The following KCNJ9 variants were observed in gnomAD, a reference collection of about 807,000 sequenced individuals.
The protein encoded by KCNJ9 is potassium inwardly rectifying channel subfamily J member 9, also known as G protein-activated inward rectifier potassium channel 3.
KCNJ9 carries 18 observed loss-of-function variants against 27.9 expected under a neutral mutation model. The observed-to-expected ratio is 0.65, with a 90% CI of 0.45 to 0.96. The LOEUF is 0.96. KCNJ9 is among the 40% of genes least tolerant of loss of function. The pLI is 0.00. For synonymous variants in KCNJ9, 229 were observed against 248.2 expected (o/e 0.92, Z 0.73); for missense variants, 324 against 557.5 (o/e 0.58, Z 4.22).
At chr1:160,082,798 G>A (rs1649705295) in intron 1 of KCNJ9, among the ~76,000 whole-genome samples, 1 of 152,202 alleles carries the variant, frequency 6.6e-6, no homozygotes, top group Non-Finnish European at 1.5e-5. Context: ...ATATCTCCTA[G>A]AGGACCCTGG....
At chr1:160,085,995 T>C (rs548126463) in intron 2 of KCNJ9, among the ~76,000 whole-genome samples, 17 of 152,232 alleles carry the variant, frequency 1.1e-4, no homozygotes, top group African/African-American at 3.1e-4. Flanking sequence ...CCCCGTTCCC[T>C]TTCCTCTCTC....
intron 1 of KCNJ9, among the ~76,000 whole-genome samples, chr1:160,083,323 C>T (rs181523071): frequency 2.0e-5 from 3 of 152,286 alleles, no homozygotes; most frequent in African/African-American, 7.2e-5. Context: ...CCACAGCTTT[C>T]ATTTCTTTCT....
At position 160,090,195 on chromosome 1, in the gene KCNJ9, T is replaced by C. The variant is rs541231426; in HGVS notation, c.*2378T>C. On this transcript the variant is annotated 3_prime_UTR_variant, in exon 3 of 3. Transcript: ENST00000368088. ...TAAGAACAGATGTTGGGATGGAGAA[T>C]GGGGATTCATTTGGGTTTCAGTAAA... The C allele has an allele frequency of 1.3e-5, 2 of 152,244 alleles. No individual in the cohort carries two copies. The highest frequency in any genetic ancestry group is 2.1e-4 in the South Asian group (1 of 4,818). 9.4% of individuals were successfully genotyped at this position (152,244 alleles called of 1,614,324 possible). A position where few individuals can be genotyped will look rare whatever the true frequency, so the allele number is the denominator to read the frequency against.
chr1:160,083,744 T>C (rs1467504303), intron 1 of KCNJ9, among the ~76,000 whole-genome samples, 173 bp from the exon 2 acceptor site: 1 of 152,124 alleles, frequency 6.6e-6, no homozygotes, highest in Non-Finnish European at 1.5e-5. Flanking sequence ...CATTTGACCC[T>C]CACAACTTTC....
In KCNJ9 at chr1:160,087,864, T is replaced by C. The variant is rs752816290; in HGVS notation, c.*47T>C. ...TGGCAGACCGGGGGCCAGACACAGA[T>C]ACATGGGGAACTGCATATCGGAGGT... is the stretch of plus-strand genomic sequence containing the variant. On this transcript the variant is annotated 3_prime_UTR_variant, in exon 3 of 3. Coordinates refer to ENST00000368088, the MANE Select transcript of KCNJ9 (RefSeq NM_004983.3). 1 of 1,415,326 alleles carries C rather than the reference T, an allele frequency of 7.1e-7. No individual in the cohort carries two copies. The allele number at this position is 1,415,326 out of a possible 1,614,324, so 87.7% of individuals were successfully genotyped here.
At chr1:160,082,329 G>A (rs6677510) in intron 1 of KCNJ9, among the ~76,000 whole-genome samples, 81,091 of 152,096 alleles carry the variant, frequency 0.53, 21,985 homozygotes, top group East Asian at 0.72. Flanking sequence ...GAGCTTCAGG[G>A]AAGGAAAAGG....
At chr1:160,083,447 G>A (rs551569728) in intron 1 of KCNJ9, among the ~76,000 whole-genome samples, 24 of 152,312 alleles carry the variant, frequency 1.6e-4, no homozygotes, top group African/African-American at 5.8e-4. Context: ...CAGCCTGCGA[G>A]GAGAGCCATT....
intron 2 of KCNJ9, among the ~76,000 whole-genome samples, chr1:160,085,414 G>T (rs1322002408): frequency 6.6e-6 from 1 of 152,200 alleles, no homozygotes; most frequent in East Asian, 1.9e-4. Flanking sequence ...GGAGGGGTTA[G>T]GTTCAGGGGT....
Position 160,084,480 on chromosome 1 carries a change from C to T in KCNJ9, c.450C>T (p.Asn150=), listed in dbSNP as rs748613042. 12 of 1,613,596 alleles carry T rather than the reference C, an allele frequency of 7.4e-6. No individual in the cohort carries two copies. In the South Asian group the frequency reaches 8.8e-5, roughly 12 times the overall value. The change falls in exon 2 of 3, where the codon AAC becomes AAT. Residue 150 remains asparagine, a synonymous_variant. Transcript: ENST00000368088. ...AGGCCATCCTGGGCTCCATGGTGAACGCCTTCATGGTGGGCTGCATGTTCG... is the reference window on the plus strand; with the variant it reads ...AGGCCATCCTGGGCTCCATGGTGAATGCCTTCATGGTGGGCTGCATGTTCG... ...LLQAILGSMV[N]AFMVGCMFVK...
intron 2 of KCNJ9, among the ~76,000 whole-genome samples, chr1:160,085,958 C>T (rs1392161535): frequency 6.6e-6 from 1 of 152,168 alleles, no homozygotes; most frequent in African/African-American, 2.4e-5. Flanking sequence ...CCTGCTTCAC[C>T]CCGACTCTTT....
In KCNJ9 at chr1:160,084,237, G is replaced by T. The variant is rs770043100; in HGVS notation, c.207G>T (p.Ala69=). ...LSLLFFVLAY[A]LTWLFFGAIW... is the part of the protein sequence containing the mutation. ...TGTTGTTCTTCGTCCTGGCCTACGCGCTCACCTGGCTCTTCTTCGGCGCCA... is the reference window on the plus strand; with the variant it reads ...TGTTGTTCTTCGTCCTGGCCTACGCTCTCACCTGGCTCTTCTTCGGCGCCA... Residue 69 remains alanine (A), a synonymous_variant, in exon 2 of 3, where the codon GCG becomes GCT. Transcript: ENST00000368088. 1.3e-4 allele frequency: 202 copies of T among 1,613,180 alleles called. No individual in the cohort carries two copies. Among genetic ancestry groups the T allele is most frequent in the Non-Finnish European group, 1.7e-4 (196 of 1,179,792 alleles).
chr1:160,085,966 T>TTTCCTC (rs760812144), intron 2 of KCNJ9, among the ~76,000 whole-genome samples: 3 of 152,144 alleles, frequency 2.0e-5, no homozygotes, highest in Non-Finnish European at 4.4e-5. Context: ...ACCCCGACTC[T>TTTCCTC]TTCCTCTTCC....
Position 160,088,564 on chromosome 1 carries a change from A to T in KCNJ9, c.*747A>T, listed in dbSNP as rs1300386559. On this transcript the variant is annotated 3_prime_UTR_variant, in exon 3 of 3. Coordinates refer to ENST00000368088, the MANE Select transcript of KCNJ9 (RefSeq NM_004983.3). ...GCTGGGGCCTGGAGAGGGGCCTGGG[A>T]AAGGAAAACCAGGGATAGCTATTTT... 2 of 152,706 alleles carry T rather than the reference A, an allele frequency of 1.3e-5. No individual in the cohort carries two copies. Among genetic ancestry groups the T allele is most frequent in the Non-Finnish European group, 2.9e-5 (2 of 68,406 alleles). The allele number at this position is 152,706 out of a possible 1,614,324, so 9.5% of individuals were successfully genotyped here.
chr1:160,087,434 G>A (rs1649797507), intron 2 of KCNJ9, 52 bp from the exon 3 acceptor site: 1 of 1,546,128 alleles, frequency 6.5e-7, no homozygotes, highest in Non-Finnish European at 8.8e-7. Flanking sequence ...ATGAGAAGAG[G>A]AGAGGGAAGC....
Position 160,083,964 on chromosome 1 carries a change from A to G in KCNJ9, c.-67A>G. The G allele has an allele frequency of 8.4e-7, 1 of 1,194,816 alleles. No individual in the cohort carries two copies. Among genetic ancestry groups the G allele is most frequent in the Non-Finnish European group, 1.0e-6 (1 of 965,180 alleles). The allele number at this position is 1,194,816 out of a possible 1,614,324, so 74.0% of individuals were successfully genotyped here. ...GCCTAGGCGCCCAGCGACGCGCGGC[A>G]GGTGGCAGCAGCTCGGGCCCCCGCC... On this transcript the variant is annotated 5_prime_UTR_variant, in exon 2 of 3. Coordinates refer to ENST00000368088, the MANE Select transcript of KCNJ9 (RefSeq NM_004983.3).
In KCNJ9 at chr1:160,084,077, C is replaced by T. The variant is rs1462388566; in HGVS notation, c.47C>T (p.Pro16Leu). 3.9e-6 allele frequency: 6 copies of T among 1,536,422 alleles called. No homozygotes were observed. The African/African-American group carries it at 6.9e-5, about 18-fold the overall frequency. ...AAFSPGQEEP[P>L]RRRGRQRYVE... ...TTCTCGCCCGGGCAGGAGGAGCCGC[C>T]GCGGCGCCGCGGCCGCCAGCGCTAC... The change falls in exon 2 of 3, where the codon CCG becomes CTG. Residue 16 changes from proline (P) to leucine (L), a missense_variant. Pro to Leu is a moderately conservative substitution (Grantham distance 98, BLOSUM62 -3). This residue lies in a region of KCNJ9 where 32 missense variants were observed against 31.7 expected (regional missense o/e 1.01). Transcript: ENST00000368088.
chr1:160,087,619 G>A lies in KCNJ9; in HGVS notation c.984G>A (p.Val328=). ...CCAGCTTTCACGAGACTTTTGAGGT[G>A]CCCACACCTTCGTGCAGTGCTCGAG... ...DYASFHETFE[V]PTPSCSAREL... Residue 328 remains valine, a synonymous_variant, in exon 3 of 3, where the codon GTG becomes GTA. Coordinates refer to ENST00000368088, the MANE Select transcript of KCNJ9 (RefSeq NM_004983.3). 6.2e-7 allele frequency: 1 copy of A among 1,613,572 alleles called. No individual in the cohort carries two copies. The highest frequency in any genetic ancestry group is 8.5e-7 in the Non-Finnish European group (1 of 1,179,896).
Position 160,084,030 on chromosome 1 carries a change from C to G in KCNJ9, c.-1C>G. ...GCAGCGCTCGCCCTGACGCGGCCGCCATGGCGCAGGAGAACGCGGCCTTCT... is the reference window on the plus strand; with the variant it reads ...GCAGCGCTCGCCCTGACGCGGCCGCGATGGCGCAGGAGAACGCGGCCTTCT... On this transcript the variant is annotated 5_prime_UTR_variant, in exon 2 of 3. Coordinates refer to ENST00000368088, the MANE Select transcript of KCNJ9 (RefSeq NM_004983.3). 1 of 1,422,624 alleles carries G rather than the reference C, an allele frequency of 7.0e-7. No individual in the cohort carries two copies. Among genetic ancestry groups the G allele is most frequent in the South Asian group, 1.5e-5 (1 of 67,908 alleles). The allele number at this position is 1,422,624 out of a possible 1,614,324, so 88.1% of individuals were successfully genotyped here.
chr1:160,084,973 G>C, intron 2 of KCNJ9, 93 bp downstream of exon 2: 1 of 1,350,726 alleles, frequency 7.4e-7, no homozygotes, highest in Non-Finnish European at 9.9e-7. Context: ...GGGAGCTGGG[G>C]AGGATGGATG....
Sources: gnomAD v4.1 joint callset for allele counts (sites outside exome capture counted in the v4.1 genomes callset) on GRCh38, gnomAD v4.1.1 for gene constraint, gnomAD v4.1.1 regional missense constraint, MANE v1.5 for transcripts, NCBI Gene and HGNC (gene_info 2026-07-23, HGNC 2026-07-21) for gene names.